The following SLC7A2 variants were observed in gnomAD, a reference collection of about 807,000 sequenced individuals.
SLC7A2 encodes the protein solute carrier family 7 member 2.
SLC7A2 carries 48 observed loss-of-function variants against 58.9 expected under a neutral mutation model. The observed-to-expected ratio is 0.82, with a 90% confidence interval of 0.65 to 1.04. SLC7A2 has a LOEUF of 1.04. Ranked by LOEUF, SLC7A2 falls within the 50% of genes least tolerant of loss-of-function variation. The pLI is 0.00. For synonymous variants in SLC7A2, 363 were observed against 314.5 expected (o/e 1.15, Z -1.63); for missense variants, 1,029 against 818.8 (o/e 1.26, Z -3.13).
chr8:17,546,382 T>C (rs34282373), intron 4 of SLC7A2, among the ~76,000 whole-genome samples: 20,643 of 152,262 alleles, frequency 0.14, 1,924 homozygotes, highest in Non-Finnish European at 0.21. Flanking sequence ...AAACCTCCTA[T>C]GTAAATCCCT....
At chr8:17,518,783 A>G (rs1236423877) in intron 2 of SLC7A2, among the ~76,000 whole-genome samples, 1 of 152,112 alleles carries the variant, frequency 6.6e-6, no homozygotes, top group Non-Finnish European at 1.5e-5. Context: ...GATCTGTACT[A>G]GCATCTTAGT....
rs796277377 is a variant in SLC7A2, at chr8:17,548,940, C to A, written c.698+97C>A. 8.9e-5 allele frequency: 87 copies of A among 977,436 alleles called. 1 individual carries two copies. The highest frequency in any genetic ancestry group is 8.6e-4 in the Admixed American group (37 of 42,798). The allele number at this position is 977,436 out of a possible 1,614,324, so 60.5% of individuals were successfully genotyped here. ...TTTTTACTCTGCTAATAAAGACATA[C>A]CCATGACTGGGTAATTTATAAGGAA... On this transcript the variant is annotated intron_variant, in intron 5 of 12. Transcript: ENST00000494857.
At chr8:17,532,360 GAGCA>G (rs1563454662) in intron 2 of SLC7A2, among the ~76,000 whole-genome samples, 1 of 150,946 alleles carries the variant, frequency 6.6e-6, no homozygotes, top group East Asian at 1.9e-4. Context: ...ATCCCAGTGT[GAGCA>G]TGGAGTCCCC....
rs530455297 is a variant in SLC7A2 at position 17,507,719 on chromosome 8, C to G, written c.-23+5417C>G. On this transcript the variant is annotated intron_variant, in intron 2 of 12. Transcript: ENST00000494857. ...TACAAATGAGTAAATTTTAAAAACTCTGTTAATTTAACAATAACATGTAAT... is the reference window on the plus strand; with the variant it reads ...TACAAATGAGTAAATTTTAAAAACTGTGTTAATTTAACAATAACATGTAAT... 1.0e-3 allele frequency among the ~76,000 whole-genome samples: 156 copies of G among 152,196 alleles called. 1 individual carries two copies. The highest frequency in any genetic ancestry group is 2.7e-3 in the Admixed American group (41 of 15,278).
intron 2 of SLC7A2, among the ~76,000 whole-genome samples, chr8:17,522,285 A>G (rs10093679): frequency 0.48 from 72,697 of 151,864 alleles, 18,386 homozygotes; most frequent in Middle Eastern, 0.59. Flanking sequence ...AACTACCATG[A>G]GAACAGTGTG....
Position 17,570,319 on chromosome 8 carries a change from G to A in SLC7A2, c.*5173G>A, listed in dbSNP as rs1008993453. On this transcript the variant is annotated 3_prime_UTR_variant, in exon 13 of 13. Coordinates refer to ENST00000494857, the MANE Select transcript of SLC7A2 (RefSeq NM_001370338.1). ...AGTACTTAATAAAAATTGTTGATAG[G>A]GCCCAAAACCCTACAGAAATTCTAT... 2.0e-5 allele frequency: 3 copies of A among 152,412 alleles called. No individual in the cohort carries two copies. Among genetic ancestry groups the A allele is most frequent in the Non-Finnish European group, 1.5e-5 (1 of 68,030 alleles). The allele number at this position is 152,412 out of a possible 1,614,324, so 9.4% of individuals were successfully genotyped here.
intron 2 of SLC7A2, among the ~76,000 whole-genome samples, chr8:17,514,404 A>T (rs1291769511): frequency 5.3e-5 from 8 of 152,218 alleles, no homozygotes; most frequent in Non-Finnish European, 1.2e-4. Context: ...CCGTGTTTTT[A>T]TTTTAGATTT....
At chr8:17,522,623 A>C (rs944824321) in intron 2 of SLC7A2, among the ~76,000 whole-genome samples, 8 of 152,204 alleles carry the variant, frequency 5.3e-5, no homozygotes, top group African/African-American at 1.9e-4. Context: ...GGGCATCTAC[A>C]AGAGCACCTG....
intron 5 of SLC7A2, 77 bp downstream of exon 5, chr8:17,548,920 A>C (rs1348862205): frequency 8.2e-7 from 1 of 1,220,356 alleles, no homozygotes; most frequent in African/African-American, 1.5e-5. Flanking sequence ...GTTCATTTTT[A>C]CTCTGCTAAT....
In SLC7A2 at chr8:17,544,514, G is replaced by C; in HGVS notation, c.440G>C (p.Gly147Ala). ...TFDELLSKQI[G>A]QFLRTYFRMN... ...GATGAACTTCTTAGCAAACAGATTGGTCAGTTTTTGAGGACATACTTCAGA... is the reference window on the plus strand; with the variant it reads ...GATGAACTTCTTAGCAAACAGATTGCTCAGTTTTTGAGGACATACTTCAGA... The change falls in exon 4 of 13, where the codon GGT (glycine) becomes GCT (alanine). Residue 147 changes from glycine (G) to alanine (A), a missense_variant. Transcript: ENST00000494857. The C allele has an allele frequency of 6.2e-7, 1 of 1,613,962 alleles. No individual in the cohort carries two copies. Among genetic ancestry groups the C allele is most frequent in the Non-Finnish European group, 8.5e-7 (1 of 1,179,892 alleles).
Position 17,565,140 on chromosome 8 carries a change from A to G in SLC7A2, c.1971A>G (p.Glu657=), listed in dbSNP as rs1045786512. 2 of 1,611,084 alleles carry G rather than the reference A, an allele frequency of 1.2e-6. No individual in the cohort carries two copies. The highest frequency in any genetic ancestry group is 1.7e-6 in the Non-Finnish European group (2 of 1,177,810). ...SPFIFHEKTS[E]F The stretch of plus-strand genomic sequence containing the variant: ...TCATATTCCATGAAAAGACAAGTGA[A>G]TTCTAACACTTGCAGGAGCAGAGCT... The change falls in exon 13 of 13, where the codon GAA becomes GAG. Residue 657 remains glutamate (E), a synonymous_variant. Transcript: ENST00000494857.
chr8:17,504,921 C>T (rs1288591806), intron 2 of SLC7A2, among the ~76,000 whole-genome samples: 1 of 152,114 alleles, frequency 6.6e-6, no homozygotes, highest in East Asian at 1.9e-4. Context: ...GAAGGAGCTC[C>T]TCCTCCTTTA....
intron 10 of SLC7A2, among the ~76,000 whole-genome samples, chr8:17,560,983 G>A (rs1563483953): frequency 6.6e-6 from 1 of 152,066 alleles, no homozygotes; most frequent in Admixed American, 6.5e-5. Flanking sequence ...CACTCCACTG[G>A]GCACCTGGGA....
rs1802804766 is a variant in SLC7A2 at position 17,558,320 on chromosome 8, G to C, written c.1221G>C (p.Leu407=). Residue 407 remains leucine (L), a synonymous_variant, in exon 9 of 13, where the codon CTG becomes CTC. Transcript: ENST00000494857. ...CTTTGATGGCCTTTCTGTTTGACCTGAAGGCGCTTGTGGACATGATGTCCA... is the reference window on the plus strand; with the variant it reads ...CTTTGATGGCCTTTCTGTTTGACCTCAAGGCGCTTGTGGACATGATGTCCA... The part of the protein sequence containing the change: ...VAALMAFLFD[L]KALVDMMSIG... 1.2e-6 allele frequency: 2 copies of C among 1,613,206 alleles called. No individual in the cohort carries two copies. The highest frequency in any genetic ancestry group is 2.2e-5 in the South Asian group (2 of 90,878).
At chr8:17,497,638 G>C (rs981039643) in intron 1 of SLC7A2, among the ~76,000 whole-genome samples, 2 of 152,170 alleles carry the variant, frequency 1.3e-5, no homozygotes, top group African/African-American at 4.8e-5. Flanking sequence ...CCCCTCTCCG[G>C]GTGGGCAGGC....
chr8:17,551,093 G>C (rs1172556519), intron 6 of SLC7A2, among the ~76,000 whole-genome samples: 1 of 152,162 alleles, frequency 6.6e-6, no homozygotes, highest in Non-Finnish European at 1.5e-5. Flanking sequence ...TTTAATCTCT[G>C]TAGATGAATC....
chr8:17,563,777 TC>T, intron 12 of SLC7A2, 66 bp downstream of exon 12: 1 of 887,704 alleles, frequency 1.1e-6, no homozygotes, highest in Non-Finnish European at 1.8e-6. Context: ...ACATGCCCTC[TC>T]CCCCATCCTG....
chr8:17,529,693 C>G (rs1446085838), intron 2 of SLC7A2, among the ~76,000 whole-genome samples: 2 of 151,928 alleles, frequency 1.3e-5, no homozygotes, highest in African/African-American at 4.8e-5. Flanking sequence ...CACCACCATG[C>G]CCAGCTAATT....
In SLC7A2 at chr8:17,563,836, G is replaced by A. The variant is rs761237843; in HGVS notation, c.1780+125G>A. The A allele has an allele frequency of 1.2e-5, 8 of 648,296 alleles. No homozygotes were observed. The Admixed American group carries it at 2.1e-4, about 17-fold the overall frequency. 40.2% of individuals were successfully genotyped at this position (648,296 alleles called of 1,614,324 possible). A position where few individuals can be genotyped will look rare whatever the true frequency, so the allele number is the denominator to read the frequency against. ...GCTTCTTTCTTTCCTAATTCTTAGG[G>A]ATGTCCGAGTGCTTTTCCAGATGTT... On this transcript the variant is annotated intron_variant, in intron 12 of 12. Transcript: ENST00000494857.
Sources: allele counts gnomAD v4.1 joint callset (sites outside exome capture counted in the v4.1 genomes callset), GRCh38; gene constraint gnomAD v4.1.1; transcripts MANE v1.5; gene names NCBI Gene and HGNC (gene_info 2026-07-23, HGNC 2026-07-21).